LINGO2: variants seen among roughly 807,000 people sequenced by gnomAD.
LINGO2 encodes the protein leucine rich repeat and Ig domain containing 2.
LINGO2 carries 14 observed loss-of-function variants against 30.6 expected under a neutral mutation model. The observed-to-expected ratio is 0.46, with a 90% CI of 0.30 to 0.72. The LOEUF (loss-of-function observed/expected upper bound fraction) is 0.72, where lower values mean the gene tolerates loss of function less well. Among genes scored for constraint, LINGO2 ranks in the 30% least tolerant of loss-of-function variants. LINGO2 has a pLI of 0.07. For synonymous variants in LINGO2, 317 were observed against 288.5 expected, an observed-to-expected ratio of 1.10 and a Z score of -1.00; for missense variants, 729 against 751.7, an observed-to-expected ratio of 0.97 and a Z score of 0.35.
the LINGO2 span, among the ~76,000 whole-genome samples, chr9:28,984,907 GTACAA>G: frequency 2.6e-5 from 4 of 151,954 alleles, no homozygotes; most frequent in African/African-American, 9.7e-5. Flanking sequence ...ATTTTGAAAT[GTACAA>G]TACATTACCA....
At chr9:27,971,724 C>A (rs1213796700) in intron 5 of LINGO2, among the ~76,000 whole-genome samples, 19 of 152,082 alleles carry the variant, frequency 1.2e-4, no homozygotes, top group Admixed American at 1.2e-3. Flanking sequence ...TCGTTATTAT[C>A]AAAATCATTA....
the LINGO2 span, among the ~76,000 whole-genome samples, chr9:28,695,239 G>T: frequency 6.6e-6 from 1 of 151,736 alleles, no homozygotes; most frequent in African/African-American, 2.4e-5. Flanking sequence ...TTCCAATTTT[G>T]CTTCATTAAG....
rs139560460 is a variant in LINGO2 at position 28,619,746 on chromosome 9, T to C, written c.-365+50454A>G. ...CTTCTCATATACTCAGTTTCACTGG[T>C]GCTATGTGCAACTACACTATTTTTG... On this transcript the variant is annotated intron_variant, in intron 1 of 5. Coordinates refer to ENST00000379992, the Ensembl canonical transcript of LINGO2. Among the ~76,000 whole-genome samples, 1,156 of 152,232 alleles carry C rather than the reference T, an allele frequency of 7.6e-3. 15 individuals carry two copies. Among genetic ancestry groups the C allele is most frequent in the African/African-American group, 0.027 (1,117 of 41,556 alleles).
At chr9:28,295,745 A>G (rs1229992245) in intron 3 of LINGO2, among the ~76,000 whole-genome samples, 1 of 152,144 alleles carries the variant, frequency 6.6e-6, no homozygotes, top group Non-Finnish European at 1.5e-5. Flanking sequence ...TAACTGGGCA[A>G]TGGGATGCAA....
intron 2 of LINGO2, among the ~76,000 whole-genome samples, chr9:28,475,271 A>G (rs1468328708): frequency 1.3e-5 from 2 of 152,208 alleles, no homozygotes; most frequent in African/African-American, 4.8e-5. Context: ...GTGAAGTAGC[A>G]TGGCATCTCA....
chr9:29,116,604 C>T, the LINGO2 span, among the ~76,000 whole-genome samples: 47 of 151,736 alleles, frequency 3.1e-4, no homozygotes, highest in Admixed American at 1.8e-3. Flanking sequence ...ACTACAATCT[C>T]TGTAGAAGTA....
At chr9:29,001,422 A>C in the LINGO2 span, among the ~76,000 whole-genome samples, 4 of 152,016 alleles carry the variant, frequency 2.6e-5, no homozygotes, top group African/African-American at 9.7e-5. Context: ...AGTTTAAACA[A>C]AAAGAAGTGT....
At chr9:28,364,783 G>T (rs1481819767) in intron 3 of LINGO2, among the ~76,000 whole-genome samples, 1 of 152,154 alleles carries the variant, frequency 6.6e-6, no homozygotes, top group Non-Finnish European at 1.5e-5. Context: ...TTGTCCAGAT[G>T]TGCAAGATGC....
At chr9:28,654,239 A>G (rs1282389535) in intron 1 of LINGO2, among the ~76,000 whole-genome samples, 4 of 152,164 alleles carry the variant, frequency 2.6e-5, no homozygotes, top group Non-Finnish European at 5.9e-5. Flanking sequence ...CAAATTATCT[A>G]TGCAAAAATG....
At chr9:28,495,903 A>C (rs146017504) in intron 1 of LINGO2, among the ~76,000 whole-genome samples, 3,819 of 152,024 alleles carry the variant, frequency 0.025, 129 homozygotes, top group East Asian at 0.098. Context: ...TTTCTGCCTT[A>C]ATTTCATTAT....
chr9:28,043,955 G>C (rs1026374527), intron 4 of LINGO2, among the ~76,000 whole-genome samples: 6 of 152,190 alleles, frequency 3.9e-5, no homozygotes, highest in African/African-American at 1.4e-4. Context: ...GCAGTTGGTT[G>C]ATGTATATGT....
At chr9:28,811,522 A>G in the LINGO2 span, among the ~76,000 whole-genome samples, 1 of 152,152 alleles carries the variant, frequency 6.6e-6, no homozygotes, top group Non-Finnish European at 1.5e-5. Flanking sequence ...GCCCTGTATA[A>G]TAATCTGTTC....
the LINGO2 span, among the ~76,000 whole-genome samples, chr9:29,068,172 A>G: frequency 6.6e-6 from 1 of 151,840 alleles, no homozygotes; most frequent in Non-Finnish European, 1.5e-5. Flanking sequence ...CCAGTCTGCA[A>G]TCAGAACTTG....
chr9:29,069,268 GTCA>G, the LINGO2 span, among the ~76,000 whole-genome samples: 24 of 152,004 alleles, frequency 1.6e-4, no homozygotes, highest in African/African-American at 5.8e-4. Context: ...AATAAATACT[GTCA>G]TCATAAGAAC....
intron 4 of LINGO2, among the ~76,000 whole-genome samples, chr9:28,166,894 A>G (rs1174486503): frequency 6.6e-6 from 1 of 152,132 alleles, no homozygotes; most frequent in Admixed American, 6.5e-5. Flanking sequence ...TGTACCTACT[A>G]AAGTATGACT....
Position 28,506,508 on chromosome 9 carries a change from A to G in LINGO2, c.-364-30483T>C, listed in dbSNP as rs185613128. 2.2e-3 allele frequency among the ~76,000 whole-genome samples: 275 copies of G among 127,070 alleles called. 37 individuals carry two copies. Among genetic ancestry groups the G allele is most frequent in the African/African-American group, 7.3e-3 (255 of 35,066 alleles). 83.4% of individuals were successfully genotyped at this position (127,070 alleles called of 152,430 possible). A position where few individuals can be genotyped will look rare whatever the true frequency, so the allele number is the denominator to read the frequency against. ...CACATACACACACACACACAGACAT[A>G]TATATATATATATAAACTGTTGGGG... On this transcript the variant is annotated intron_variant, in intron 1 of 5. Coordinates refer to ENST00000379992, the Ensembl canonical transcript of LINGO2.
At chr9:28,319,680 T>C (rs576843788) in intron 3 of LINGO2, among the ~76,000 whole-genome samples, 3 of 151,980 alleles carry the variant, frequency 2.0e-5, no homozygotes, top group Admixed American at 6.6e-5. Flanking sequence ...AGGCAGAAAA[T>C]AGATTGGTTG....
chr9:28,468,487 C>G (rs1825397290), intron 2 of LINGO2, among the ~76,000 whole-genome samples: 1 of 152,082 alleles, frequency 6.6e-6, no homozygotes, highest in African/African-American at 2.4e-5. Flanking sequence ...TCCACAGAAA[C>G]TGAAGGTAAG....
At chr9:28,480,581 A>G (rs1016891436) in intron 1 of LINGO2, among the ~76,000 whole-genome samples, 3 of 152,042 alleles carry the variant, frequency 2.0e-5, no homozygotes, top group African/African-American at 4.8e-5. Context: ...TAAAGGGGGA[A>G]ACTATTGCCA....
Sources: gnomAD v4.1 joint callset for allele counts (sites outside exome capture counted in the v4.1 genomes callset) on GRCh38, gnomAD v4.1.1 for gene constraint, MANE v1.5 for transcripts, NCBI Gene and HGNC (gene_info 2026-07-23, HGNC 2026-07-21) for gene names.